The following NCKIPSD variants were observed in gnomAD, a reference collection of about 807,000 sequenced individuals.
NCKIPSD encodes NCK interacting protein with SH3 domain.
NCKIPSD carries 48 observed loss-of-function variants against 73.4 expected under a neutral mutation model. The ratio of observed to expected loss-of-function variants is 0.65; its 90% CI spans 0.52 to 0.83. The LOEUF (loss-of-function observed/expected upper bound fraction) is 0.83. NCKIPSD is among the 40% of genes least tolerant of loss of function. NCKIPSD has a pLI of 0.00. For missense variants in NCKIPSD, 884 were observed against 970.2 expected, an observed-to-expected ratio of 0.91 and a Z score of 1.18; for synonymous variants, 422 against 403.6, an observed-to-expected ratio of 1.05 and a Z score of -0.54.
In NCKIPSD at chr3:48,681,379, C is replaced by A. The variant is rs1436400614; in HGVS notation, c.1000G>T (p.Ala334Ser). The A allele has an allele frequency of 3.7e-6, 6 of 1,611,668 alleles. No individual in the cohort carries two copies. The highest frequency in any genetic ancestry group is 5.1e-6 in the Non-Finnish European group (6 of 1,178,836). ...ATGTGACCCACTATGATGCCGATGG[C>A]CACCCGGCATAATTCGTGGCTCAGG... ...TGLSHELCRVAIGIIVGHIQA... is the reference protein window; with the variant it reads ...TGLSHELCRVSIGIIVGHIQA... The change falls in exon 5 of 13, where the codon GCC (alanine) becomes TCC (serine). Residue 334 changes from alanine (A) to serine (S), a missense_variant. Physicochemically the swap from Ala to Ser is moderately conservative, Grantham distance 99. Transcript: ENST00000294129.
At chr3:48,685,462 G>T (rs2077422040) in intron 1 of NCKIPSD, among the ~76,000 whole-genome samples, 175 bp downstream of exon 1, 1 of 152,114 alleles carries the variant, frequency 6.6e-6, no homozygotes, top group South Asian at 2.1e-4. Context: ...CTGACACTTG[G>T]GGTCTCAGTC....
chr3:48,685,522 TAG>T, intron 1 of NCKIPSD, 113 bp downstream of exon 1: 1 of 1,295,878 alleles, frequency 7.7e-7, no homozygotes, highest in South Asian at 1.6e-5. Flanking sequence ...CCCTGTCTGA[TAG>T]AGGTCCTGGC....
chr3:48,682,027 CT>C lies in NCKIPSD; in HGVS notation c.598+17del, dbSNP rs753032637. The C allele has an allele frequency of 3.1e-6, 5 of 1,597,240 alleles. No homozygotes were observed. The highest frequency in any genetic ancestry group is 4.2e-6 in the Non-Finnish European group (5 of 1,178,362). On this transcript the variant is annotated intron_variant, in intron 4 of 12. Transcript: ENST00000294129. ...ATAGGGTGCCTCCACCTGAATTCCC[CT>C]AACCCTGCCTTCTTACCACTCCCAG...
intron 1 of NCKIPSD, among the ~76,000 whole-genome samples, chr3:48,684,223 G>A (rs973701399): frequency 9.9e-5 from 15 of 152,102 alleles, no homozygotes; most frequent in African/African-American, 3.6e-4. Flanking sequence ...GACAGAAAGA[G>A]ACACGCAGAA....
chr3:48,680,958 G>A (rs562958636), intron 5 of NCKIPSD, among the ~76,000 whole-genome samples: 5 of 151,974 alleles, frequency 3.3e-5, no homozygotes, highest in Non-Finnish European at 7.4e-5. Context: ...CCCGCATGTC[G>A]TCTTATCTGT....
At chr3:48,681,208 A>C (rs1322781067) in intron 5 of NCKIPSD, 79 bp downstream of exon 5, 1 of 1,493,342 alleles carries the variant, frequency 6.7e-7, no homozygotes, top group South Asian at 1.3e-5. Flanking sequence ...AAATACCTGT[A>C]ATGTACAGGC....
In NCKIPSD at chr3:48,674,174, G is replaced by A. The variant is rs2106740454; in HGVS notation, c.*370C>T. ...TGCCTCCCCTCACCCCAGGGGCATG[G>A]CTTGCTGAGGCCCAGGATACAGACC... On this transcript the variant is annotated 3_prime_UTR_variant, in exon 13 of 13. Transcript: ENST00000294129. 1 of 1,175,272 alleles carries A rather than the reference G, an allele frequency of 8.5e-7. No individual in the cohort carries two copies. Among genetic ancestry groups the A allele is most frequent in the East Asian group, 3.9e-5 (1 of 25,590 alleles). The allele number at this position is 1,175,272 out of a possible 1,614,324, so 72.8% of individuals were successfully genotyped here.
Position 48,681,757 on chromosome 3 carries a change from C to T in NCKIPSD, c.622G>A (p.Gly208Arg), listed in dbSNP as rs776642670. The T allele has an allele frequency of 1.3e-5, 20 of 1,515,382 alleles. No homozygotes were observed. The highest frequency in any genetic ancestry group is 9.3e-5 in the East Asian group (4 of 43,220). The allele number at this position is 1,515,382 out of a possible 1,614,324, so 93.9% of individuals were successfully genotyped here. A position where few individuals can be genotyped will look rare whatever the true frequency, so the allele number is the denominator to read the frequency against. The change falls in exon 5 of 13, where the codon GGG becomes AGG. Residue 208 changes from glycine (G) to arginine (R), a missense_variant. By Grantham distance (125) the Gly-to-Arg change is moderately radical. Coordinates refer to ENST00000294129, the MANE Select transcript of NCKIPSD (RefSeq NM_016453.4). ...GSGGHNTMPS[G>R]GNSVSSGSSV... ...GAGCCGCTGGACACAGAGTTACCCC[C>T]GGAGGGCATGGTGTTGTGGCCACCT...
chr3:48,674,447 AT>A lies in NCKIPSD; in HGVS notation c.*96del, dbSNP rs1232243576. The A allele has an allele frequency of 6.7e-7, 1 of 1,494,854 alleles. No individual in the cohort carries two copies. Among genetic ancestry groups the A allele is most frequent in the Non-Finnish European group, 8.9e-7 (1 of 1,121,170 alleles). 92.6% of individuals were successfully genotyped at this position (1,494,854 alleles called of 1,614,324 possible). Reference sequence around the variant, plus strand: ...CTGCTCAGGTTCCTTCTGCCACCTTATCCCCTCCCACTGTCAGTGCAAAACA... The same window carrying A: ...CTGCTCAGGTTCCTTCTGCCACCTTACCCCTCCCACTGTCAGTGCAAAACA... On this transcript the variant is annotated 3_prime_UTR_variant, in exon 13 of 13. Transcript: ENST00000294129.
At chr3:48,681,869 G>A in intron 4 of NCKIPSD, 89 bp from the exon 5 acceptor site, 1 of 1,461,090 alleles carries the variant, frequency 6.8e-7, no homozygotes. Flanking sequence ...CTAACACAGG[G>A]CCTAGTTTCT....
rs2106740717 is a variant in NCKIPSD, at chr3:48,674,337, T to G, written c.*207A>C. ...TATAGAGGGGCTTTAGCTTGCATAT[T>G]CCCCCTGCCCCAGAACAGCTCCCAG... On this transcript the variant is annotated 3_prime_UTR_variant, in exon 13 of 13. Coordinates refer to ENST00000294129, the MANE Select transcript of NCKIPSD (RefSeq NM_016453.4). 7 of 1,420,560 alleles carry G rather than the reference T, an allele frequency of 4.9e-6. No individual in the cohort carries two copies. In the South Asian group the frequency reaches 1.1e-4, roughly 21 times the overall value. 88.0% of individuals were successfully genotyped at this position (1,420,560 alleles called of 1,614,324 possible). A position where few individuals can be genotyped will look rare whatever the true frequency, so the allele number is the denominator to read the frequency against.
At chr3:48,680,984 T>C (rs952328723) in intron 5 of NCKIPSD, among the ~76,000 whole-genome samples, 3 of 152,114 alleles carry the variant, frequency 2.0e-5, no homozygotes, top group African/African-American at 7.2e-5. Flanking sequence ...GCCCCAGGTC[T>C]CACCTCCTCC....
At chr3:48,680,599 T>A (rs1010886257) in intron 5 of NCKIPSD, among the ~76,000 whole-genome samples, 1 of 152,164 alleles carries the variant, frequency 6.6e-6, no homozygotes, top group Admixed American at 6.5e-5. Context: ...TGAACCCTGC[T>A]GACCAGGCAC....
In NCKIPSD at chr3:48,679,045, C is replaced by T; in HGVS notation, c.1699+10G>A. ...GTGCTCAGCCACCGCCCAGCCAGGC[C>T]CCACCCCACCTGGCAGGTGCAGGTT... On this transcript the variant is annotated intron_variant, in intron 10 of 12. Coordinates refer to ENST00000294129, the MANE Select transcript of NCKIPSD (RefSeq NM_016453.4). 2.5e-6 allele frequency: 4 copies of T among 1,614,112 alleles called. No homozygotes were observed. Among genetic ancestry groups the T allele is most frequent in the South Asian group, 2.2e-5 (2 of 91,080 alleles).
At position 48,679,471 on chromosome 3, in the gene NCKIPSD, G is replaced by A. The variant is rs775200901; in HGVS notation, c.1490-14C>T. ...GTTTCTGGTGGTCTGGGGGGGACAAGGCAGGCAGTCAGAGTCCCCAAAGAT... is the reference window on the plus strand; with the variant it reads ...GTTTCTGGTGGTCTGGGGGGGACAAAGCAGGCAGTCAGAGTCCCCAAAGAT... On this transcript the variant is annotated splice_polypyrimidine_tract_variant and intron_variant, in intron 8 of 12. Transcript: ENST00000294129. 3.1e-6 allele frequency: 5 copies of A among 1,609,338 alleles called. No individual in the cohort carries two copies. The South Asian group carries it at 4.4e-5, about 14-fold the overall frequency.
chr3:48,682,061 C>A lies in NCKIPSD; in HGVS notation c.582G>T (p.Leu194=), dbSNP rs752629204. The change falls in exon 4 of 13, where the codon CTG becomes CTT. Residue 194 remains leucine, a synonymous_variant. Coordinates refer to ENST00000294129, the MANE Select transcript of NCKIPSD (RefSeq NM_016453.4). ...CCTTCTTACCACTCCCAGAGGCCAT[C>A]AGGGCCTCGCGGTCTCGGCGCTTCA... ...PPVKRRDREA[L]MASGSGGHNT... 2 of 1,601,350 alleles carry A rather than the reference C, an allele frequency of 1.2e-6. No homozygotes were observed. Among genetic ancestry groups the A allele is most frequent in the East Asian group, 4.5e-5 (2 of 44,872 alleles).
At chr3:48,674,873 A>C (rs2077228502) in intron 12 of NCKIPSD, 126 bp from the exon 13 acceptor site, 1 of 883,436 alleles carries the variant, frequency 1.1e-6, no homozygotes, top group African/African-American at 1.7e-5. Flanking sequence ...CTGCATCCCC[A>C]GCACCCACAA....
chr3:48,678,784 C>CA, intron 11 of NCKIPSD, 48 bp from the exon 12 acceptor site: 1 of 1,611,022 alleles, frequency 6.2e-7, no homozygotes, highest in Non-Finnish European at 8.5e-7. Flanking sequence ...GTGGGGATCC[C>CA]AGAGTCACCC....
intron 12 of NCKIPSD, among the ~76,000 whole-genome samples, chr3:48,676,484 T>G (rs1281439458): frequency 1.3e-5 from 2 of 152,120 alleles, no homozygotes; most frequent in Middle Eastern, 3.2e-3. Flanking sequence ...ACCATTTTTG[T>G]TTTTGTTTTT....
Sources: allele counts gnomAD v4.1 joint callset (sites outside exome capture counted in the v4.1 genomes callset), GRCh38; gene constraint gnomAD v4.1.1; transcripts MANE v1.5; gene names NCBI Gene and HGNC (gene_info 2026-07-23, HGNC 2026-07-21).